FARP1: variants seen among roughly 807,000 people sequenced by gnomAD.
The protein encoded by FARP1 is FERM, ARHGEF and pleckstrin domain-containing protein 1.
FARP1 carries 52 observed loss-of-function variants against 128.8 expected under a neutral mutation model. That is an observed-to-expected ratio of 0.40 (90% CI 0.32 to 0.51). The LOEUF (loss-of-function observed/expected upper bound fraction) is 0.51, where lower values mean the gene tolerates loss of function less well. Ranked by LOEUF, FARP1 falls within the 20% of genes least tolerant of loss-of-function variation. The pLI is 0.45. For synonymous variants in FARP1, 580 were observed against 551.8 expected (o/e 1.05, Z -0.72); for missense variants, 1,333 against 1,367.9 (o/e 0.97, Z 0.40).
intron 2 of FARP1, among the ~76,000 whole-genome samples, chr13:98,296,897 C>T (rs1423540435): frequency 6.6e-6 from 1 of 152,076 alleles, no homozygotes; most frequent in Non-Finnish European, 1.5e-5. Context: ...ATTGCCCAGG[C>T]TGGTTTCAAA....
intron 11 of FARP1, among the ~76,000 whole-genome samples, chr13:98,392,323 C>CAAAAAAAA (rs11289484): frequency 2.6e-4 from 16 of 60,424 alleles, no homozygotes; most frequent in African/African-American, 9.8e-4. Flanking sequence ...CATCTCTACC[C>CAAAAAAAA]AAAAAAAAAA....
intron 13 of FARP1, chr13:98,395,850 C>G (rs961672878): frequency 5.0e-6 from 2 of 400,492 alleles, no homozygotes; most frequent in African/African-American, 4.1e-5. Context: ...CTGGTCACAG[C>G]CCCCTGGCCA....
chr13:98,451,610 C>G lies in FARP1; in HGVS notation c.*3293C>G, dbSNP rs1385637230. On this transcript the variant is annotated 3_prime_UTR_variant, in exon 27 of 27. Transcript: ENST00000319562. ...TCCCTATAGCTTAGAGGCCACTAGA[C>G]CAGCAGATAGCTGAGCTACATCCCC... The G allele has an allele frequency of 1.3e-5, 2 of 152,192 alleles. 1 individual carries two copies. The highest frequency in any genetic ancestry group is 4.8e-5 in the African/African-American group (2 of 41,430). The allele number at this position is 152,192 out of a possible 1,614,324, so 9.4% of individuals were successfully genotyped here. A position where few individuals can be genotyped will look rare whatever the true frequency, so the allele number is the denominator to read the frequency against.
At chr13:98,277,604 C>T (rs1470095559) in intron 2 of FARP1, among the ~76,000 whole-genome samples, 2 of 152,172 alleles carry the variant, frequency 1.3e-5, no homozygotes, top group African/African-American at 4.8e-5. Flanking sequence ...GTGAGGCCTT[C>T]TGGGAGACCT....
intron 2 of FARP1, among the ~76,000 whole-genome samples, chr13:98,226,476 C>CTTTTTTT (rs61064188): frequency 6.8e-6 from 1 of 146,086 alleles, no homozygotes; most frequent in Non-Finnish European, 1.5e-5. Context: ...AGGACTTCAT[C>CTTTTTTT]TTTTTTTTTT....
At chr13:98,150,143 A>T (rs1875889762) in intron 1 of FARP1, among the ~76,000 whole-genome samples, 1 of 151,726 alleles carries the variant, frequency 6.6e-6, no homozygotes, top group South Asian at 2.1e-4. Context: ...GGTTCAAGTG[A>T]TTCTTCTGCC....
chr13:98,261,773 G>A (rs1259139641), intron 2 of FARP1, among the ~76,000 whole-genome samples: 6 of 152,188 alleles, frequency 3.9e-5, no homozygotes, highest in African/African-American at 1.4e-4. Flanking sequence ...CTGTTAGTGC[G>A]TTTTGCGTTA....
intron 1 of FARP1, among the ~76,000 whole-genome samples, chr13:98,206,707 G>GT (rs1185448059): frequency 6.6e-6 from 1 of 152,128 alleles, no homozygotes; most frequent in East Asian, 1.9e-4. Context: ...GACAACTCTA[G>GT]TTTTTTACCT....
intron 2 of FARP1, among the ~76,000 whole-genome samples, chr13:98,278,992 A>ATTTTTT (rs34010258): frequency 0.032 from 4,448 of 137,466 alleles, 244 homozygotes; most frequent in African/African-American, 0.12. Flanking sequence ...CGCCCTGCTA[A>ATTTTTT]TTTTTTTTTT....
intron 2 of FARP1, among the ~76,000 whole-genome samples, chr13:98,237,347 G>A (rs1039236461): frequency 1.2e-4 from 18 of 151,788 alleles, no homozygotes; most frequent in Non-Finnish European, 4.4e-5. Flanking sequence ...TTACACAAAC[G>A]CTGACGGACT....
intron 3 of FARP1, among the ~76,000 whole-genome samples, chr13:98,359,476 G>A (rs1888775546): frequency 6.6e-6 from 1 of 152,244 alleles, no homozygotes; most frequent in African/African-American, 2.4e-5. Context: ...TTGAGAAAGA[G>A]GAGAACAGCT....
chr13:98,153,336 T>A lies in FARP1; in HGVS notation c.-24+9844T>A, dbSNP rs1240888229. Reference sequence around the variant, plus strand: ...TAAAATATATAAATAATATAATATATAAAATAATATATATAAAAATATATA... The same window carrying A: ...TAAAATATATAAATAATATAATATAAAAAATAATATATATAAAAATATATA... On this transcript the variant is annotated intron_variant, in intron 1 of 26. Transcript: ENST00000319562. 3.4e-5 allele frequency among the ~76,000 whole-genome samples: 2 copies of A among 58,176 alleles called. 1 individual carries two copies. Among genetic ancestry groups the A allele is most frequent in the East Asian group, 1.7e-3 (2 of 1,158 alleles). 38.2% of individuals were successfully genotyped at this position (58,176 alleles called of 152,430 possible). A position where few individuals can be genotyped will look rare whatever the true frequency, so the allele number is the denominator to read the frequency against.
intron 2 of FARP1, among the ~76,000 whole-genome samples, chr13:98,323,400 T>C (rs80174973): frequency 6.6e-6 from 1 of 151,952 alleles, no homozygotes; most frequent in Non-Finnish European, 1.5e-5. Context: ...TTTTTTTTTT[T>C]TCTAATGAGT....
At chr13:98,245,599 A>C (rs1883009118) in intron 2 of FARP1, among the ~76,000 whole-genome samples, 1 of 152,226 alleles carries the variant, frequency 6.6e-6, no homozygotes, top group African/African-American at 2.4e-5. Flanking sequence ...AGAATAGCAG[A>C]TGTGTATTTC....
intron 24 of FARP1, 49 bp from the exon 25 acceptor site, chr13:98,446,049 C>A: frequency 7.6e-7 from 1 of 1,312,830 alleles, no homozygotes; most frequent in Non-Finnish European, 1.1e-6. Flanking sequence ...TCTGTGCCCT[C>A]CTGGGGCAGG....
intron 2 of FARP1, among the ~76,000 whole-genome samples, chr13:98,300,277 C>T (rs1284341773): frequency 6.6e-6 from 1 of 152,312 alleles, no homozygotes; most frequent in African/African-American, 2.4e-5. Flanking sequence ...CAGGCTTTCA[C>T]GTTAGTCACT....
intron 2 of FARP1, among the ~76,000 whole-genome samples, chr13:98,231,155 A>G (rs945693948): frequency 3.3e-5 from 5 of 152,206 alleles, no homozygotes; most frequent in Non-Finnish European, 7.3e-5. Flanking sequence ...CAGCCAAATC[A>G]TATCAGCAGG....
At position 98,204,807 on chromosome 13, in the gene FARP1, T is replaced by C. The variant is rs117939945; in HGVS notation, c.-23-8413T>C. On this transcript the variant is annotated intron_variant, in intron 1 of 26. Transcript: ENST00000319562. ...AGACTTTGTGCATACTAACTGGTGGTGGTGGTGGTGCATATTTGCAGTCTC... is the reference window on the plus strand; with the variant it reads ...AGACTTTGTGCATACTAACTGGTGGCGGTGGTGGTGCATATTTGCAGTCTC... Among the ~76,000 whole-genome samples the C allele has an allele frequency of 5.1e-3, 771 of 152,096 alleles. 6 individuals are homozygous for C. The highest frequency in any genetic ancestry group is 6.0e-3 in the Non-Finnish European group (409 of 67,986).
chr13:98,271,316 C>T (rs1255431960), intron 2 of FARP1, among the ~76,000 whole-genome samples: 5 of 152,146 alleles, frequency 3.3e-5, no homozygotes, highest in African/African-American at 7.2e-5. Context: ...ACCCACTTGG[C>T]GTCATTTGCT....
Sources: allele counts gnomAD v4.1 joint callset (sites outside exome capture counted in the v4.1 genomes callset), GRCh38; gene constraint gnomAD v4.1.1; transcripts MANE v1.5; gene names NCBI Gene and HGNC (gene_info 2026-07-23, HGNC 2026-07-21).